PDE4B: variants seen among roughly 807,000 people sequenced by gnomAD.
PDE4B encodes phosphodiesterase 4B.
In PDE4B, 20 loss-of-function variants were observed where a neutral mutation model predicts 82.2. The ratio of observed to expected loss-of-function variants is 0.24; its 90% CI spans 0.17 to 0.35. PDE4B has a LOEUF of 0.35. Among genes scored for constraint, PDE4B ranks in the 10% least tolerant of loss-of-function variants. PDE4B has a pLI of 1.00. For missense variants in PDE4B, 655 were observed against 907.2 expected (o/e 0.72, Z 3.57); for synonymous variants, 320 against 318.9 (o/e 1.00, Z -0.04).
At chr1:66,002,286 GTAAAA>G (rs1202345323) in intron 3 of PDE4B, among the ~76,000 whole-genome samples, 4 of 151,514 alleles carry the variant, frequency 2.6e-5, no homozygotes, top group Non-Finnish European at 5.9e-5. Context: ...TATCTCTTTG[GTAAAA>G]TAAAATTGTT....
chr1:66,000,005 A>T (rs1391520302), intron 3 of PDE4B, among the ~76,000 whole-genome samples: 1 of 152,188 alleles, frequency 6.6e-6, no homozygotes, highest in Non-Finnish European at 1.5e-5. Context: ...ATGATATTGC[A>T]GGTATAGATT....
At chr1:65,836,320 C>T (rs188759270) in intron 1 of PDE4B, among the ~76,000 whole-genome samples, 1 of 152,332 alleles carries the variant, frequency 6.6e-6, no homozygotes, top group East Asian at 1.9e-4. Flanking sequence ...ATGTCCTATA[C>T]ATGGTCATCT....
chr1:66,190,599 C>A (rs1171226484), intron 3 of PDE4B, among the ~76,000 whole-genome samples: 1 of 152,180 alleles, frequency 6.6e-6, no homozygotes, highest in Admixed American at 6.5e-5. Flanking sequence ...GCTGTGCTAG[C>A]AATGAGTGAG....
chr1:66,247,891 CT>C (rs1366140346), intron 4 of PDE4B, among the ~76,000 whole-genome samples: 2 of 152,188 alleles, frequency 1.3e-5, no homozygotes, highest in African/African-American at 2.4e-5. Flanking sequence ...TACTTTACAT[CT>C]TTTACTGATA....
intron 3 of PDE4B, among the ~76,000 whole-genome samples, chr1:66,103,656 G>C (rs1193282049): frequency 6.6e-6 from 1 of 152,036 alleles, no homozygotes; most frequent in Non-Finnish European, 1.5e-5. Context: ...AATACAAATA[G>C]ATAAATAAGG....
chr1:66,346,305 C>T (rs904790176), intron 8 of PDE4B, among the ~76,000 whole-genome samples: 4 of 152,214 alleles, frequency 2.6e-5, no homozygotes, highest in African/African-American at 9.6e-5. Flanking sequence ...CAGTTATCCT[C>T]ATGTCAGGTA....
chr1:66,365,834 A>G, intron 13 of PDE4B, 68 bp downstream of exon 13: 2 of 856,684 alleles, frequency 2.3e-6, no homozygotes, highest in Non-Finnish European at 3.8e-6. Flanking sequence ...TTTTCCTCCT[A>G]ATGTTTTCAT....
chr1:65,880,236 C>T (rs892721632), intron 1 of PDE4B, among the ~76,000 whole-genome samples: 4 of 152,172 alleles, frequency 2.6e-5, no homozygotes, highest in Non-Finnish European at 4.4e-5. Context: ...TGCTTCATGA[C>T]GAGTAAGGAC....
chr1:66,198,908 G>C (rs905638932), intron 3 of PDE4B, among the ~76,000 whole-genome samples: 22 of 152,076 alleles, frequency 1.4e-4, no homozygotes, highest in African/African-American at 4.6e-4. Flanking sequence ...ATGATTTCAA[G>C]TTTCATCCAT....
chr1:65,903,486 TG>T lies in PDE4B; in HGVS notation c.-70-9758del, dbSNP rs1266887693. ...TGTGCATCTGTAGTCCCTGCTCATT[TG>T]AGAGGCTGATGTCGGAGAATCTGTT... On this transcript the variant is annotated intron_variant, in intron 1 of 16. Coordinates refer to ENST00000341517, the MANE Select transcript of PDE4B (RefSeq NM_002600.4). Among the ~76,000 whole-genome samples the T allele has an allele frequency of 9.5e-4, 144 of 152,084 alleles. 1 individual carries two copies. The highest frequency in any genetic ancestry group is 3.3e-3 in the African/African-American group (137 of 41,504).
intron 3 of PDE4B, among the ~76,000 whole-genome samples, chr1:66,091,675 G>A (rs1199983091): frequency 6.6e-6 from 1 of 151,982 alleles, no homozygotes; most frequent in Non-Finnish European, 1.5e-5. Context: ...AAATAGCAGA[G>A]TTGTAGTTGC....
At chr1:66,031,080 G>A (rs554951786) in intron 3 of PDE4B, among the ~76,000 whole-genome samples, 5 of 152,242 alleles carry the variant, frequency 3.3e-5, no homozygotes, top group Admixed American at 6.5e-5. Context: ...TACCCATGTA[G>A]CAAACCTGCA....
At chr1:65,849,710 G>A (rs200182194) in intron 1 of PDE4B, among the ~76,000 whole-genome samples, 5 of 151,390 alleles carry the variant, frequency 3.3e-5, no homozygotes, top group Non-Finnish European at 5.9e-5. Context: ...TGCAGAAAAA[G>A]AAAAAAAACA....
chr1:66,346,807 A>G (rs901386252), intron 8 of PDE4B, among the ~76,000 whole-genome samples: 26 of 152,328 alleles, frequency 1.7e-4, no homozygotes, highest in African/African-American at 5.3e-4. Context: ...ATTTACAGAT[A>G]AAACCTAGCT....
At chr1:65,924,223 C>T (rs188347337) in intron 3 of PDE4B, among the ~76,000 whole-genome samples, 8,505 of 145,112 alleles carry the variant, frequency 0.059, 356 homozygotes, top group Non-Finnish European at 0.087. Flanking sequence ...TACAGGCGCC[C>T]GCCACTACGC....
chr1:65,988,645 A>T (rs868143704), intron 3 of PDE4B, among the ~76,000 whole-genome samples: 110 of 144,550 alleles, frequency 7.6e-4, no homozygotes, highest in African/African-American at 2.5e-3. Context: ...ATTTTTTTTT[A>T]AAAGCTTCTG....
At chr1:66,316,490 G>T (rs1453335336) in intron 7 of PDE4B, among the ~76,000 whole-genome samples, 1 of 152,228 alleles carries the variant, frequency 6.6e-6, no homozygotes, top group Non-Finnish European at 1.5e-5. Context: ...GTTGTTATAT[G>T]TGTGAAGCTG....
chr1:65,923,141 GA>G (rs1268874137), intron 3 of PDE4B, among the ~76,000 whole-genome samples: 4 of 152,188 alleles, frequency 2.6e-5, no homozygotes, highest in Non-Finnish European at 2.9e-5. Context: ...GCATGGTTTA[GA>G]AGGAGGGTTT....
intron 7 of PDE4B, among the ~76,000 whole-genome samples, chr1:66,328,229 C>T (rs1455943224): frequency 1.3e-5 from 2 of 152,186 alleles, no homozygotes; most frequent in Non-Finnish European, 2.9e-5. Context: ...CTTTCTGTGC[C>T]ACTCTTGTTG....
Sources: gnomAD v4.1 joint callset for allele counts (sites outside exome capture counted in the v4.1 genomes callset) on GRCh38, gnomAD v4.1.1 for gene constraint, MANE v1.5 for transcripts, NCBI Gene and HGNC (gene_info 2026-07-23, HGNC 2026-07-21) for gene names.